The following RRP7A variants were observed in gnomAD, a reference collection of about 807,000 sequenced individuals.
The protein encoded by RRP7A is ribosomal RNA processing 7 homolog A, also known as ribosomal RNA-processing protein 7 homolog A.
In RRP7A, 27 loss-of-function variants were observed where a neutral mutation model predicts 38.4. That is an observed-to-expected ratio of 0.70 (90% CI 0.52 to 0.97). RRP7A has a LOEUF of 0.97. RRP7A is among the 50% of genes least tolerant of loss of function. RRP7A has a pLI of 0.00. For synonymous variants in RRP7A, 124 were observed against 150.3 expected (o/e 0.83, Z 1.28); for missense variants, 327 against 375.4 (o/e 0.87, Z 1.07).
chr22:42,519,382 G>T (rs916975391), intron 1 of RRP7A, among the ~76,000 whole-genome samples: 1 of 152,182 alleles, frequency 6.6e-6, no homozygotes, highest in Non-Finnish European at 1.5e-5. Flanking sequence ...TGGACTAGGA[G>T]CAGAGGCGAT....
At chr22:42,514,506 CA>C (rs1190177198) in intron 5 of RRP7A, among the ~76,000 whole-genome samples, 175 bp downstream of exon 5, 1 of 152,142 alleles carries the variant, frequency 6.6e-6, no homozygotes, top group African/African-American at 2.4e-5. Context: ...CACTGTAGGA[CA>C]TGTGGAGACT....
chr22:42,515,895 G>T, intron 3 of RRP7A, 116 bp downstream of exon 3: 1 of 1,316,674 alleles, frequency 7.6e-7, no homozygotes, highest in Non-Finnish European at 1.0e-6. Flanking sequence ...CACACACGGT[G>T]AGGATGGGCT....
intron 5 of RRP7A, 124 bp from the exon 6 acceptor site, chr22:42,514,428 C>G: frequency 1.3e-6 from 1 of 768,450 alleles, no homozygotes; most frequent in South Asian, 1.8e-5. Flanking sequence ...TGCTCCCCTC[C>G]TCCCAGCACA....
In RRP7A at chr22:42,519,767, T is replaced by G; in HGVS notation, c.20A>C (p.Lys7Thr). 1 of 1,450,520 alleles carries G rather than the reference T, an allele frequency of 6.9e-7. No individual in the cohort carries two copies. The highest frequency in any genetic ancestry group is 9.1e-7 in the Non-Finnish European group (1 of 1,103,050). The allele number at this position is 1,450,520 out of a possible 1,614,324, so 89.9% of individuals were successfully genotyped here. MVARRR[K>T]CAARDPEDRI... ...GTCCTCCGGGTCCCGCGCGGCGCAC[T>G]TCCTCCTGCGCGCCACCATCTTGCC... The change falls in exon 1 of 7, where the codon AAG becomes ACG. Residue 7 changes from lysine (K) to threonine (T), a missense_variant. Lys to Thr is a moderately conservative substitution (Grantham distance 78, BLOSUM62 -1). This residue lies in a region of RRP7A where 183 missense variants were observed against 141.8 expected (regional missense o/e 1.29). Coordinates refer to ENST00000323013, the MANE Select transcript of RRP7A (RefSeq NM_015703.5).
intron 1 of RRP7A, 61 bp downstream of exon 1, chr22:42,519,653 C>T: frequency 7.4e-7 from 1 of 1,349,698 alleles, no homozygotes; most frequent in Non-Finnish European, 9.6e-7. Flanking sequence ...CCGTCGCCAA[C>T]CCCCAAACAC....
At chr22:42,517,342 TAAAAAAAAAA>T (rs71184902) in intron 2 of RRP7A, among the ~76,000 whole-genome samples, 2 of 117,534 alleles carry the variant, frequency 1.7e-5, no homozygotes, top group African/African-American at 3.1e-5. Context: ...TTAGTTTTTG[TAAAAAAAAAA>T]AAAAAAAAAA....
chr22:42,518,261 T>G, intron 1 of RRP7A, 114 bp from the exon 2 acceptor site: 2 of 911,022 alleles, frequency 2.2e-6, no homozygotes, highest in Non-Finnish European at 3.4e-6. Context: ...TGTTCATCGA[T>G]CCATCCATCC....
In RRP7A at chr22:42,516,149, G is replaced by A; in HGVS notation, c.217-13C>T. 2 of 1,612,348 alleles carry A rather than the reference G, an allele frequency of 1.2e-6. No individual in the cohort carries two copies. Among genetic ancestry groups the A allele is most frequent in the South Asian group, 1.1e-5 (1 of 90,972 alleles). On this transcript the variant is annotated splice_polypyrimidine_tract_variant and intron_variant, in intron 2 of 6. Transcript: ENST00000323013. ...GGGACAGGCTCTCCTGCCGCAGGGAGAGGGAAGCCAAGTGTGAGCATCCGC... is the reference window on the plus strand; with the variant it reads ...GGGACAGGCTCTCCTGCCGCAGGGAAAGGGAAGCCAAGTGTGAGCATCCGC...
In RRP7A at chr22:42,516,080, C is replaced by A. The variant is rs1920928750; in HGVS notation, c.273G>T (p.Gln91His). 1 of 1,613,612 alleles carries A rather than the reference C, an allele frequency of 6.2e-7. No homozygotes were observed. The highest frequency in any genetic ancestry group is 1.3e-5 in the African/African-American group (1 of 74,918). Residue 91 changes from glutamine to histidine, a missense_variant, in exon 3 of 7, where the codon CAG becomes CAT. Gln to His is a conservative substitution (Grantham distance 24, BLOSUM62 0). Transcript: ENST00000323013. Reference sequence around the variant, plus strand: ...GGCTCTCAGCCAGGTCCGGCTTCTCCTGCAACTCTACAGACTGGACGAGGC... The same window carrying A: ...GGCTCTCAGCCAGGTCCGGCTTCTCATGCAACTCTACAGACTGGACGAGGC... ...TCGLVQSVEL[Q>H]EKPDLAESPK...
Position 42,508,412 on chromosome 22 carries a change from A to G in RRP7A, c.*4498T>C, listed in dbSNP as rs867623878. On this transcript the variant is annotated 3_prime_UTR_variant, in exon 7 of 7. Transcript: ENST00000323013. Reference sequence around the variant, plus strand: ...TGTAATCAACATAAAGCTTGATTGCATTATTTTGCATGCTGTTTTCCAAAT... The same window carrying G: ...TGTAATCAACATAAAGCTTGATTGCGTTATTTTGCATGCTGTTTTCCAAAT... Among the ~76,000 whole-genome samples, 6 of 144,246 alleles carry G rather than the reference A, an allele frequency of 4.2e-5. No homozygotes were observed. Among genetic ancestry groups the G allele is most frequent in the South Asian group, 2.1e-4 (1 of 4,656 alleles). 94.6% of individuals were successfully genotyped at this position (144,246 alleles called of 152,430 possible). A position where few individuals can be genotyped will look rare whatever the true frequency, so the allele number is the denominator to read the frequency against.
chr22:42,511,850 T>G lies in RRP7A; in HGVS notation c.*1060A>C. On this transcript the variant is annotated 3_prime_UTR_variant, in exon 7 of 7. Transcript: ENST00000323013. The stretch of plus-strand genomic sequence containing the variant: ...GGATACAATCACAGCAACCCTGGCC[T>G]CGGCCCTGCCCTGTCCCTGCCATGC... 2.0e-6 allele frequency: 1 copy of G among 500,494 alleles called. No individual in the cohort carries two copies. The highest frequency in any genetic ancestry group is 3.7e-6 in the Non-Finnish European group (1 of 272,972). The allele number at this position is 500,494 out of a possible 1,614,324, so 31.0% of individuals were successfully genotyped here.
chr22:42,512,483 A>C lies in RRP7A; in HGVS notation c.*427T>G, dbSNP rs1411375778. On this transcript the variant is annotated 3_prime_UTR_variant, in exon 7 of 7. Coordinates refer to ENST00000323013, the MANE Select transcript of RRP7A (RefSeq NM_015703.5). ...CTAATAATCTCCAGCCAGCTGGAGG[A>C]AGGAAGGGCGGGCTGGGCCCACCTA... 1.1e-5 allele frequency: 6 copies of C among 566,768 alleles called. No individual in the cohort carries two copies. The Admixed American group carries it at 2.0e-4, about 19-fold the overall frequency. 35.1% of individuals were successfully genotyped at this position (566,768 alleles called of 1,614,324 possible). A position where few individuals can be genotyped will look rare whatever the true frequency, so the allele number is the denominator to read the frequency against.
rs112453516 is a variant in RRP7A, at chr22:42,511,179, C to CT, written c.*1730dup. On this transcript the variant is annotated 3_prime_UTR_variant, in exon 7 of 7. Coordinates refer to ENST00000323013, the MANE Select transcript of RRP7A (RefSeq NM_015703.5). ...CCATCATGCCCAGCTAATAGTCACACTTTTTTTTTTTTTTTGAGATGGAGT... is the reference window on the plus strand; with the variant it reads ...CCATCATGCCCAGCTAATAGTCACACTTTTTTTTTTTTTTTTGAGATGGAGT... 3,234 of 144,684 alleles carry CT rather than the reference C, an allele frequency of 0.022. 127 individuals are homozygous for CT. Among genetic ancestry groups the CT allele is most frequent in the African/African-American group, 0.066 (2,618 of 39,798 alleles). The allele number at this position is 144,684 out of a possible 1,614,324, so 9.0% of individuals were successfully genotyped here.
At position 42,511,812 on chromosome 22, in the gene RRP7A, C is replaced by G. The variant is rs557093945; in HGVS notation, c.*1098G>C. The stretch of plus-strand genomic sequence containing the variant: ...CACGTCATCTCATTATCTTTTCTCA[C>G]GAGGACTACTTCGGATACAATCACA... On this transcript the variant is annotated 3_prime_UTR_variant, in exon 7 of 7. Transcript: ENST00000323013. The G allele has an allele frequency of 5.8e-6, 2 of 346,340 alleles. No homozygotes were observed. The highest frequency in any genetic ancestry group is 3.7e-5 in the South Asian group (1 of 26,820). 21.5% of individuals were successfully genotyped at this position (346,340 alleles called of 1,614,324 possible). A position where few individuals can be genotyped will look rare whatever the true frequency, so the allele number is the denominator to read the frequency against.
At chr22:42,514,661 C>G (rs1202906084) in intron 5 of RRP7A, 21 bp downstream of exon 5, 1 of 1,590,974 alleles carries the variant, frequency 6.3e-7, no homozygotes. Flanking sequence ...CGGGGCTCGG[C>G]CGACCCCGCG....
chr22:42,517,289 T>TTAAA (rs3046334), intron 2 of RRP7A, among the ~76,000 whole-genome samples: 70,353 of 131,158 alleles, frequency 0.54, 20,880 homozygotes, highest in East Asian at 0.88. Context: ...AATAAATAAA[T>TTAAA]TAAATAAATA....
chr22:42,509,095 A>G lies in RRP7A; in HGVS notation c.*3815T>C, dbSNP rs749280274. On this transcript the variant is annotated 3_prime_UTR_variant, in exon 7 of 7. Coordinates refer to ENST00000323013, the MANE Select transcript of RRP7A (RefSeq NM_015703.5). ...CATTCCATCAGGAAGCTGCAGGCCC[A>G]TGTCCTGTTGATCAAGTGAGTCTGG... The G allele has an allele frequency of 1.4e-5, 22 of 1,614,026 alleles. No homozygotes were observed. Among genetic ancestry groups the G allele is most frequent in the South Asian group, 2.2e-5 (2 of 91,084 alleles).
intron 3 of RRP7A, among the ~76,000 whole-genome samples, chr22:42,515,555 A>G (rs1160678666): frequency 6.6e-6 from 1 of 152,168 alleles, no homozygotes; most frequent in East Asian, 1.9e-4. Context: ...GGTGAAACAC[A>G]GGGGTCGCCC....
intron 5 of RRP7A, among the ~76,000 whole-genome samples, 179 bp downstream of exon 5, chr22:42,514,503 G>C (rs897593025): frequency 6.6e-6 from 1 of 152,118 alleles, no homozygotes; most frequent in South Asian, 2.1e-4. Context: ...CTCCACTGTA[G>C]GACATGTGGA....
Sources: allele counts gnomAD v4.1 joint callset (sites outside exome capture counted in the v4.1 genomes callset), GRCh38; gene constraint gnomAD v4.1.1; regional missense constraint gnomAD v4.1.1; transcripts MANE v1.5; gene names NCBI Gene and HGNC (gene_info 2026-07-23, HGNC 2026-07-21).